Variants in FPGS observed in about 807,000 individuals in gnomAD.
The protein encoded by FPGS is folylpolyglutamate synthase.
In FPGS, 53 loss-of-function variants were observed where a neutral mutation model predicts 66.5. The ratio of observed to expected loss-of-function variants is 0.80; its 90% CI spans 0.64 to 1.00. The LOEUF (loss-of-function observed/expected upper bound fraction) is 1.00. FPGS is among the 50% of genes least tolerant of loss of function. The pLI is 0.00. For synonymous variants in FPGS, 348 were observed against 350.9 expected (o/e 0.99, Z 0.09); for missense variants, 702 against 807.7 (o/e 0.87, Z 1.59).
chr9:127,809,122 G>C (rs1435706764), intron 11 of FPGS, among the ~76,000 whole-genome samples: 5 of 152,082 alleles, frequency 3.3e-5, no homozygotes, highest in African/African-American at 1.2e-4. Context: ...ACTGCCACGG[G>C]CTGTGGTGGG....
At chr9:127,809,979 C>G (rs909879858) in intron 12 of FPGS, 52 bp from the exon 13 acceptor site, 41 of 1,546,634 alleles carry the variant, frequency 2.7e-5, no homozygotes, top group Non-Finnish European at 3.5e-5. Context: ...GGATTGGTAC[C>G]GCAGGGAGAA....
At position 127,804,361 on chromosome 9, in the gene FPGS, C is replaced by G. The variant is rs943178492; in HGVS notation, c.215C>G (p.Pro72Arg). Reference sequence around the variant, plus strand: ...CAGGTGAAGCGCCAGCGGGGTGACCCTCAGACACAGTTGGAAGCCATGGAA... The same window carrying G: ...CAGGTGAAGCGCCAGCGGGGTGACCGTCAGACACAGTTGGAAGCCATGGAA... The part of the protein sequence containing the change: ...LEQVKRQRGD[P>R]QTQLEAMELY... The change falls in exon 2 of 15, where the codon CCT becomes CGT. Residue 72 changes from proline to arginine, a missense_variant. By Grantham distance (103) the Pro-to-Arg change is moderately radical. This residue lies in a region of FPGS where 240 missense variants were observed against 348.6 expected (regional missense o/e 0.69). Transcript: ENST00000373247. 12 of 1,614,210 alleles carry G rather than the reference C, an allele frequency of 7.4e-6. No homozygotes were observed. Among genetic ancestry groups the G allele is most frequent in the Non-Finnish European group, 1.0e-5 (12 of 1,180,038 alleles).
chr9:127,806,995 C>A lies in FPGS; in HGVS notation c.409C>A (p.Arg137=). The A allele has an allele frequency of 6.2e-7, 1 of 1,614,042 alleles. No individual in the cohort carries two copies. The highest frequency in any genetic ancestry group is 8.5e-7 in the Non-Finnish European group (1 of 1,179,954). Residue 137 remains arginine (R), a synonymous_variant, in exon 5 of 15, where the codon CGG becomes AGG. Transcript: ENST00000373247. ...FFSSPHLVQV[R]ERIRINGQPI... ...CAGCTCTCCCCACCTGGTGCAGGTT[C>A]GGGAGCGGATCCGCATCAATGGGCA...
intron 11 of FPGS, among the ~76,000 whole-genome samples, chr9:127,809,375 C>G (rs1829963979): frequency 6.6e-6 from 1 of 152,166 alleles, no homozygotes; most frequent in African/African-American, 2.4e-5. Context: ...CGCCTGTTAT[C>G]AAGGGCAAGT....
intron 12 of FPGS, 91 bp downstream of exon 12, chr9:127,809,925 C>T (rs1337686268): frequency 2.2e-5 from 6 of 266,808 alleles, no homozygotes; most frequent in Middle Eastern, 9.8e-4. Flanking sequence ...TGGGGAAGGG[C>T]GGGGGCGGGC....
At position 127,802,966 on chromosome 9, in the gene FPGS, G is replaced by C. The variant is rs765099606; in HGVS notation, c.42G>C (p.Leu14=). 2.9e-5 allele frequency: 42 copies of C among 1,455,076 alleles called. No individual in the cohort carries two copies. Among genetic ancestry groups the C allele is most frequent in the Non-Finnish European group, 3.3e-5 (37 of 1,112,834 alleles). The allele number at this position is 1,455,076 out of a possible 1,614,324, so 90.1% of individuals were successfully genotyped here. ...ARSHLRAALF[L]AAASARGITT... is the part of the protein sequence containing the mutation. ...GCCACCTGCGCGCCGCTCTATTCCTGGCAGCGGCGTCTGCGCGCGGCATAA... is the reference window on the plus strand; with the variant it reads ...GCCACCTGCGCGCCGCTCTATTCCTCGCAGCGGCGTCTGCGCGCGGCATAA... The change falls in exon 1 of 15, where the codon CTG becomes CTC. Residue 14 remains leucine, a synonymous_variant. Transcript: ENST00000373247.
intron 1 of FPGS, chr9:127,803,319 G>A (rs930190002): frequency 8.3e-7 from 1 of 1,206,032 alleles, no homozygotes; most frequent in Non-Finnish European, 1.0e-6. Context: ...ACAGGAGCTA[G>A]GATCCAGAAG....
chr9:127,804,159 C>A, intron 1 of FPGS, 126 bp from the exon 2 acceptor site: 1 of 1,237,098 alleles, frequency 8.1e-7, no homozygotes, highest in Non-Finnish European at 1.1e-6. Flanking sequence ...GCTAACAGTG[C>A]TGGCATGGCA....
chr9:127,810,696 C>G (rs1292728035), intron 13 of FPGS, among the ~76,000 whole-genome samples: 7 of 152,190 alleles, frequency 4.6e-5, no homozygotes, highest in Non-Finnish European at 8.8e-5. Flanking sequence ...AGCAAGTCCC[C>G]TTGCCCTGTG....
chr9:127,805,043 C>G (rs907775499), intron 4 of FPGS, among the ~76,000 whole-genome samples: 5 of 152,028 alleles, frequency 3.3e-5, no homozygotes, highest in Non-Finnish European at 7.4e-5. Flanking sequence ...CACCTGCCAC[C>G]ACACCAGGCT....
chr9:127,803,069 GGCGGGCCA>G lies in FPGS; in HGVS notation c.138+23_138+30del, dbSNP rs769220901. 7.3e-5 allele frequency: 102 copies of G among 1,391,208 alleles called. No individual in the cohort carries two copies. Among genetic ancestry groups the G allele is most frequent in the South Asian group, 2.2e-4 (14 of 63,218 alleles). The allele number at this position is 1,391,208 out of a possible 1,614,324, so 86.2% of individuals were successfully genotyped here. On this transcript the variant is annotated splice_region_variant and intron_variant, in intron 1 of 14. Coordinates refer to ENST00000373247, the MANE Select transcript of FPGS (RefSeq NM_004957.6). ...GCCGAGCATGGAGTACCAGGTATCAGGCGGGCCAGCGGGCCAGCGGGCCTGGGCGCGAC... is the reference window on the plus strand; with the variant it reads ...GCCGAGCATGGAGTACCAGGTATCAGGCGGGCCAGCGGGCCTGGGCGCGAC...
intron 13 of FPGS, among the ~76,000 whole-genome samples, chr9:127,810,508 G>A (rs1830030334): frequency 6.6e-6 from 1 of 152,040 alleles, no homozygotes; most frequent in African/African-American, 2.4e-5. Flanking sequence ...GAGTCATTGG[G>A]CCTTTCTCTG....
At position 127,804,633 on chromosome 9, in the gene FPGS, A is replaced by C. The variant is rs754668653; in HGVS notation, c.322-3A>C. ...CTGCCCAGACAATCCCTTTTCTTTCAAGGGCTCCACCTGTGCCTTCACGGA... is the reference window on the plus strand; with the variant it reads ...CTGCCCAGACAATCCCTTTTCTTTCCAGGGCTCCACCTGTGCCTTCACGGA... On this transcript the variant is annotated splice_region_variant and splice_polypyrimidine_tract_variant and intron_variant, in intron 3 of 14. Transcript: ENST00000373247. 8 of 1,613,946 alleles carry C rather than the reference A, an allele frequency of 5.0e-6. No homozygotes were observed. The East Asian group carries it at 1.6e-4, about 31-fold the overall frequency.
Position 127,810,039 on chromosome 9 carries a change from A to G in FPGS, c.1220A>G (p.Glu407Gly), listed in dbSNP as rs766998163. ...CCTCACCTCTGTCGCAGTGGCCCCG[A>G]GGTTCGAGTCTTGCTCTTCAATGCT... ...QGRERPSGGP[E>G]VRVLLFNATG... Residue 407 changes from glutamate to glycine, a missense_variant, in exon 13 of 15, where the codon GAG (glutamate) becomes GGG (glycine). By Grantham distance (98) the Glu-to-Gly change is moderately conservative. This residue lies in a region of FPGS where 351 missense variants were observed against 363.7 expected (regional missense o/e 0.97). Transcript: ENST00000373247. 1.0e-4 allele frequency: 164 copies of G among 1,591,044 alleles called. No homozygotes were observed. Among genetic ancestry groups the G allele is most frequent in the Non-Finnish European group, 1.3e-4 (153 of 1,166,826 alleles).
At chr9:127,810,155 G>A (rs1210794562) in intron 13 of FPGS, 49 bp downstream of exon 13, 2 of 1,521,166 alleles carry the variant, frequency 1.3e-6, no homozygotes, top group African/African-American at 2.7e-5. Flanking sequence ...GAAGCCCTGG[G>A]TCTGGCGGTG....
intron 8 of FPGS, 184 bp from the exon 9 acceptor site, chr9:127,808,050 G>A: frequency 1.7e-6 from 1 of 595,352 alleles, no homozygotes; most frequent in Non-Finnish European, 3.0e-6. Context: ...ACGTTGCAGT[G>A]AGCCGAGATT....
intron 1 of FPGS, 44 bp from the exon 2 acceptor site, chr9:127,804,241 C>T (rs1402547086): frequency 1.3e-6 from 2 of 1,599,338 alleles, no homozygotes; most frequent in Non-Finnish European, 1.7e-6. Context: ...GCCTGTGGAC[C>T]CTGAGTGAGC....
intron 4 of FPGS, 174 bp from the exon 5 acceptor site, chr9:127,806,799 G>C (rs1829828480): frequency 6.6e-6 from 4 of 610,536 alleles, no homozygotes; most frequent in African/African-American, 1.8e-5. Context: ...CCTGGAGATA[G>C]AAGATGGGGA....
chr9:127,808,763 A>T, intron 10 of FPGS, 37 bp from the exon 11 acceptor site: 2 of 1,555,608 alleles, frequency 1.3e-6, no homozygotes, highest in African/African-American at 2.7e-5. Flanking sequence ...CCTGCCTAGG[A>T]GGGTCCCGGA....
Sources: gnomAD v4.1 joint callset for allele counts (sites outside exome capture counted in the v4.1 genomes callset) on GRCh38, gnomAD v4.1.1 for gene constraint, gnomAD v4.1.1 regional missense constraint, MANE v1.5 for transcripts, NCBI Gene and HGNC (gene_info 2026-07-23, HGNC 2026-07-21) for gene names.